SYCP2L: variants seen among roughly 807,000 people sequenced by gnomAD.
The protein encoded by SYCP2L is synaptonemal complex protein 2-like.
In SYCP2L, 98 loss-of-function variants were observed where a neutral mutation model predicts 125.8. That is an observed-to-expected ratio of 0.78 (90% confidence interval 0.66 to 0.92). The LOEUF (loss-of-function observed/expected upper bound fraction) is 0.92. Among genes scored for constraint, SYCP2L ranks in the 40% least tolerant of loss-of-function variants. SYCP2L has a pLI of 0.00. For missense variants in SYCP2L, 842 were observed against 936.4 expected (o/e 0.90, Z 1.32); for synonymous variants, 317 against 325.4 (o/e 0.97, Z 0.28).
chr6:10,928,531 A>G, intron 18 of SYCP2L, 81 bp downstream of exon 18: 5 of 1,442,188 alleles, frequency 3.5e-6, no homozygotes, highest in Non-Finnish European at 4.6e-6. Context: ...TTCCTGGTTC[A>G]TGGACCATTT....
chr6:10,913,999 T>C (rs1780648540), intron 14 of SYCP2L, among the ~76,000 whole-genome samples: 1 of 152,006 alleles, frequency 6.6e-6, no homozygotes, highest in African/African-American at 2.4e-5. Flanking sequence ...GCCTGGCTAA[T>C]TTTTTGTATT....
chr6:10,932,761 A>AT (rs948237138), intron 20 of SYCP2L, among the ~76,000 whole-genome samples: 7 of 150,938 alleles, frequency 4.6e-5, no homozygotes, highest in South Asian at 4.2e-4. Context: ...TTCAAAAAAA[A>AT]TTTTTTTTTT....
At chr6:10,971,255 G>A (rs918267919) in intron 29 of SYCP2L, among the ~76,000 whole-genome samples, 1 of 151,908 alleles carries the variant, frequency 6.6e-6, no homozygotes, top group African/African-American at 2.4e-5. Flanking sequence ...TCAGGAGATC[G>A]AGACCATCCT....
Position 10,946,444 on chromosome 6 carries a change from A to C in SYCP2L, c.1954+3698A>C, listed in dbSNP as rs191183129. ...TAATTTAGTGTTACTTTTCCTCCAG[A>C]TTATATAGACCTAAGATCCTTGAAT... is the stretch of plus-strand genomic sequence containing the variant. On this transcript the variant is annotated intron_variant, in intron 23 of 29. Coordinates refer to ENST00000283141, the MANE Select transcript of SYCP2L (RefSeq NM_001040274.3). Among the ~76,000 whole-genome samples the C allele has an allele frequency of 1.2e-4, 18 of 152,162 alleles. 1 individual carries two copies. Among genetic ancestry groups the C allele is most frequent in the African/African-American group, 4.3e-4 (18 of 41,532 alleles).
intron 23 of SYCP2L, among the ~76,000 whole-genome samples, chr6:10,946,745 A>G: frequency 6.6e-6 from 1 of 151,906 alleles, no homozygotes; most frequent in South Asian, 2.1e-4. Context: ...TTCCCTCCTC[A>G]ATATATATAT....
chr6:10,947,359 A>G lies in SYCP2L; in HGVS notation c.1954+4613A>G, dbSNP rs185020741. Among the ~76,000 whole-genome samples the G allele has an allele frequency of 3.1e-3, 465 of 152,240 alleles. 1 individual carries two copies. Among genetic ancestry groups the G allele is most frequent in the Non-Finnish European group, 5.0e-3 (337 of 67,928 alleles). ...TTTTGATAGAAATTGCATTAAATAT[A>G]TAAGTTAACTTGAAGAGAAGTGACA... On this transcript the variant is annotated intron_variant, in intron 23 of 29. Coordinates refer to ENST00000283141, the MANE Select transcript of SYCP2L (RefSeq NM_001040274.3).
intron 4 of SYCP2L, among the ~76,000 whole-genome samples, chr6:10,894,486 G>A (rs1780225409): frequency 6.6e-6 from 1 of 152,124 alleles, no homozygotes; most frequent in Non-Finnish European, 1.5e-5. Context: ...AATTATTTTA[G>A]TGAATTTGGG....
At chr6:10,928,973 C>T (rs1357276250) in intron 18 of SYCP2L, among the ~76,000 whole-genome samples, 4 of 151,660 alleles carry the variant, frequency 2.6e-5, no homozygotes, top group Admixed American at 2.6e-4. Flanking sequence ...CTCACTGCCA[C>T]CTCCGCCTTC....
intron 21 of SYCP2L, 104 bp from the exon 22 acceptor site, chr6:10,942,355 G>A (rs1309704316): frequency 1.3e-6 from 1 of 748,524 alleles, no homozygotes; most frequent in Non-Finnish European, 2.1e-6. Context: ...TTAGAACTGT[G>A]TTCCTTTTTT....
At chr6:10,893,844 T>A (rs763597130) in intron 2 of SYCP2L, 23 bp from the exon 3 acceptor site, 4 of 1,599,380 alleles carry the variant, frequency 2.5e-6, no homozygotes, top group Non-Finnish European at 3.4e-6. Context: ...GAAAAAGTAA[T>A]TTGCAAACTA....
Position 10,902,452 on chromosome 6 carries a change from AC to A in SYCP2L, c.467-223del, listed in dbSNP as rs375628187. 2.9e-3 allele frequency among the ~76,000 whole-genome samples: 441 copies of A among 152,326 alleles called. 3 individuals are homozygous for A. Among genetic ancestry groups the A allele is most frequent in the Non-Finnish European group, 4.6e-3 (314 of 68,038 alleles). On this transcript the variant is annotated intron_variant, in intron 6 of 29. Transcript: ENST00000283141. ...AGTAAGATTTGGTTTCAAAAAAGTC[AC>A]CAAGAACCATGGAAAATAAACGCGT...
At position 10,939,634 on chromosome 6, in the gene SYCP2L, G is replaced by A. The variant is rs74752231; in HGVS notation, c.1814-2825G>A. 7.1e-3 allele frequency among the ~76,000 whole-genome samples: 1,087 copies of A among 152,272 alleles called. 17 individuals are homozygous for A. The highest frequency in any genetic ancestry group is 0.025 in the African/African-American group (1,026 of 41,560). On this transcript the variant is annotated intron_variant, in intron 21 of 29. Transcript: ENST00000283141. The stretch of plus-strand genomic sequence containing the variant: ...GAATACACAATGAGGAAAGGAAAGC[G>A]TCTTCAATAAATGTTTTGGGAAAAC...
intron 14 of SYCP2L, among the ~76,000 whole-genome samples, chr6:10,917,251 C>T (rs1445983856): frequency 6.6e-6 from 1 of 152,138 alleles, no homozygotes; most frequent in African/African-American, 2.4e-5. Context: ...GTATTGAAGT[C>T]CCCCACGATT....
At chr6:10,898,887 T>C in intron 6 of SYCP2L, 39 bp downstream of exon 6, 2 of 1,187,706 alleles carry the variant, frequency 1.7e-6, no homozygotes, top group Admixed American at 1.8e-5. Flanking sequence ...TATTAATTTT[T>C]CATTAATAGA....
At chr6:10,909,693 A>T (rs1780571579) in intron 10 of SYCP2L, among the ~76,000 whole-genome samples, 1 of 152,208 alleles carries the variant, frequency 6.6e-6, no homozygotes, top group Admixed American at 6.5e-5. Flanking sequence ...ACTCCCAAAA[A>T]GGAAAGTTGG....
Position 10,942,487 on chromosome 6 carries a change from GCT to G in SYCP2L, c.1847_1848del (p.Ser616PhefsTer8). The G allele has an allele frequency of 6.3e-7, 1 of 1,599,284 alleles. No individual in the cohort carries two copies. The highest frequency in any genetic ancestry group is 1.4e-5 in the African/African-American group (1 of 74,064). ...TTCAAGATCCTCACTCACTGAGTGAGCTCTCTTCCTTGAAGCACTCAGAAGAT... is the reference window on the plus strand; with the variant it reads ...TTCAAGATCCTCACTCACTGAGTGAGCTCTTCCTTGAAGCACTCAGAAGAT... Reference protein sequence around the residue: ...ELQDPHSLSELSSLKHSEDEE... With the variant: ...ELQDPHSLSEXSSLKHSEDEE... On this transcript the variant is annotated frameshift_variant, in exon 22 of 30. Coordinates refer to ENST00000283141, the MANE Select transcript of SYCP2L (RefSeq NM_001040274.3). LOFTEE classifies it high-confidence loss of function.
chr6:10,934,535 C>G (rs888445949), intron 20 of SYCP2L, among the ~76,000 whole-genome samples: 3 of 152,180 alleles, frequency 2.0e-5, no homozygotes, highest in African/African-American at 7.2e-5. Flanking sequence ...AAAAAATTAG[C>G]TGGGTGTGGT....
At position 10,955,199 on chromosome 6, in the gene SYCP2L, G is replaced by T. The variant is rs1231344985; in HGVS notation, c.2038G>T (p.Glu680Ter). 1 of 1,611,474 alleles carries T rather than the reference G, an allele frequency of 6.2e-7. No individual in the cohort carries two copies. The highest frequency in any genetic ancestry group is 8.5e-7 in the Non-Finnish European group (1 of 1,177,634). The change falls in exon 24 of 30, where the codon GAA (glutamate) becomes TAA (stop). Residue 680 changes from glutamate (E) to a stop codon, truncating the protein, a stop_gained. Coordinates refer to ENST00000283141, the MANE Select transcript of SYCP2L (RefSeq NM_001040274.3). LOFTEE classifies it high-confidence loss of function. Reference protein sequence around the residue: ...VAPGSPFSITEERELPEGIST... With the variant: ...VAPGSPFSIT ...TCCGGGATCCCCTTTCTCAATAACA[G>T]AAGAAAGAGAGTTGCCAGGTAACAT... is the stretch of plus-strand genomic sequence containing the variant.
In SYCP2L at chr6:10,912,947, C is replaced by T; in HGVS notation, c.1072+20C>T. ...TAACAGGTAATATGATACATTTAAACAACCCACGTCCAGTTCCAAATATTA... is the reference window on the plus strand; with the variant it reads ...TAACAGGTAATATGATACATTTAAATAACCCACGTCCAGTTCCAAATATTA... On this transcript the variant is annotated intron_variant, in intron 14 of 29. Coordinates refer to ENST00000283141, the MANE Select transcript of SYCP2L (RefSeq NM_001040274.3). This position sits in a 1 kb window ranked among gnomAD's most constrained non-coding sequence, Gnocchi z 4.1. 2 of 1,607,920 alleles carry T rather than the reference C, an allele frequency of 1.2e-6. No homozygotes were observed.
Sources: gnomAD v4.1 joint callset for allele counts (sites outside exome capture counted in the v4.1 genomes callset) on GRCh38, gnomAD v4.1.1 for gene constraint, Gnocchi (gnomAD v3.1) non-coding constraint, MANE v1.5 for transcripts, NCBI Gene and HGNC (gene_info 2026-07-23, HGNC 2026-07-21) for gene names.